C12orf54: variants seen among roughly 807,000 people sequenced by gnomAD.
The protein encoded by C12orf54 is chromosome 12 open reading frame 54.
Under a neutral mutation model 26.4 loss-of-function variants are expected in C12orf54, and 24 were observed. That is an observed-to-expected ratio of 0.91 (90% confidence interval 0.66 to 1.28). The LOEUF (loss-of-function observed/expected upper bound fraction) is 1.28. Ranked by LOEUF, C12orf54 falls within the 50% of genes most tolerant of loss-of-function variation. The pLI, the probability that C12orf54 is intolerant of heterozygous loss-of-function variation, is 0.00. For synonymous variants in C12orf54, 54 were observed against 47.0 expected, an observed-to-expected ratio of 1.15 and a Z score of -0.61; for missense variants, 154 against 150.9, an observed-to-expected ratio of 1.02 and a Z score of -0.11.
chr12:48,429,101 C>T, the C12orf54 span, among the ~76,000 whole-genome samples: 7 of 151,898 alleles, frequency 4.6e-5, no homozygotes, highest in Admixed American at 2.6e-4. Flanking sequence ...GAAAAGCATT[C>T]GACAAAAATC....
chr12:48,478,428 T>C (rs1349558647), upstream of C12orf54, among the ~76,000 whole-genome samples: 2 of 152,134 alleles, frequency 1.3e-5, no homozygotes, highest in Non-Finnish European at 2.9e-5. Flanking sequence ...AAATAAAGGG[T>C]ATCCAATTAG....
the C12orf54 span, among the ~76,000 whole-genome samples, chr12:48,430,053 A>G: frequency 6.6e-6 from 1 of 152,212 alleles, no homozygotes; most frequent in African/African-American, 2.4e-5. Context: ...AAACAAAAAC[A>G]TAAAGTGGGA....
the C12orf54 span, among the ~76,000 whole-genome samples, chr12:48,436,353 G>C: frequency 2.6e-5 from 4 of 152,102 alleles, no homozygotes; most frequent in East Asian, 3.9e-4. Context: ...AGATCAACGA[G>C]ACAGAAAGTT....
the C12orf54 span, among the ~76,000 whole-genome samples, chr12:48,453,719 TAAAAC>T: frequency 6.7e-5 from 10 of 150,228 alleles, no homozygotes; most frequent in African/African-American, 2.4e-4. Context: ...TTTTAAAGAA[TAAAAC>T]AAAATATTTT....
the C12orf54 span, among the ~76,000 whole-genome samples, chr12:48,457,697 G>C: frequency 3.3e-5 from 5 of 152,062 alleles, no homozygotes; most frequent in Non-Finnish European, 7.4e-5. Context: ...AGTCAGCTTC[G>C]GCTTCGGTGC....
chr12:48,419,341 C>G, the C12orf54 span, among the ~76,000 whole-genome samples: 1 of 152,284 alleles, frequency 6.6e-6, no homozygotes, highest in Non-Finnish European at 1.5e-5. Flanking sequence ...CCTTTCTTAT[C>G]TCAATTTTTC....
upstream of C12orf54, among the ~76,000 whole-genome samples, chr12:48,477,569 C>T (rs181928654): frequency 3.9e-5 from 6 of 152,208 alleles, no homozygotes; most frequent in South Asian, 2.1e-4. Context: ...GGGGATATTA[C>T]CACCAATCTC....
intron 2 of C12orf54, 152 bp from the exon 3 acceptor site, chr12:48,486,026 G>A: frequency 1.5e-6 from 1 of 660,298 alleles, no homozygotes; most frequent in Non-Finnish European, 2.6e-6. Flanking sequence ...TCCCATAAAG[G>A]GATATGAGAG....
At chr12:48,456,138 A>AAAACACAT in the C12orf54 span, among the ~76,000 whole-genome samples, 4 of 152,190 alleles carry the variant, frequency 2.6e-5, no homozygotes. Flanking sequence ...CGAAGTAGGG[A>AAAACACAT]AAACACATTT....
the C12orf54 span, among the ~76,000 whole-genome samples, chr12:48,453,202 C>A: frequency 3.4e-4 from 51 of 152,226 alleles, no homozygotes; most frequent in African/African-American, 1.1e-3. Context: ...ATGGATGGAG[C>A]TGGAGACCAT....
chr12:48,464,539 A>G, the C12orf54 span, among the ~76,000 whole-genome samples: 2 of 152,124 alleles, frequency 1.3e-5, no homozygotes, highest in Non-Finnish European at 2.9e-5. Flanking sequence ...TAAACTTCCA[A>G]TGACATTCTT....
the C12orf54 span, among the ~76,000 whole-genome samples, chr12:48,466,423 T>C: frequency 1.3e-4 from 20 of 152,160 alleles, no homozygotes; most frequent in Admixed American, 3.9e-4. Context: ...CGTGCACCTG[T>C]AATCCCAGCT....
At chr12:48,427,498 T>G in the C12orf54 span, among the ~76,000 whole-genome samples, 1 of 152,180 alleles carries the variant, frequency 6.6e-6, no homozygotes, top group Non-Finnish European at 1.5e-5. Flanking sequence ...GTCAAGGGTT[T>G]TTGCATCAAT....
chr12:48,439,625 T>A, the C12orf54 span, among the ~76,000 whole-genome samples: 2 of 152,160 alleles, frequency 1.3e-5, no homozygotes, highest in African/African-American at 4.8e-5. Flanking sequence ...GAAACCATCA[T>A]TCTCAGCAAA....
chr12:48,454,068 T>TTC, the C12orf54 span, among the ~76,000 whole-genome samples: 17 of 149,192 alleles, frequency 1.1e-4, no homozygotes, highest in East Asian at 4.0e-4. Context: ...ATCAAGACAG[T>TTC]TCTCTCTCTC....
the C12orf54 span, among the ~76,000 whole-genome samples, chr12:48,465,375 A>G: frequency 6.6e-6 from 1 of 152,192 alleles, no homozygotes; most frequent in East Asian, 1.9e-4. Flanking sequence ...ACCATCTTAC[A>G]CCAGACAGAA....
the C12orf54 span, among the ~76,000 whole-genome samples, chr12:48,414,448 G>A: frequency 1.3e-5 from 2 of 152,330 alleles, no homozygotes; most frequent in Admixed American, 1.3e-4. Flanking sequence ...GTTTAGTTTT[G>A]GATAAAGGCT....
At chr12:48,447,634 A>G in the C12orf54 span, among the ~76,000 whole-genome samples, 2 of 152,168 alleles carry the variant, frequency 1.3e-5, no homozygotes, top group South Asian at 4.1e-4. Context: ...TCCTAAAGTT[A>G]GAATATGGTT....
At chr12:48,439,462 A>G in the C12orf54 span, among the ~76,000 whole-genome samples, 39 of 152,328 alleles carry the variant, frequency 2.6e-4, no homozygotes, top group East Asian at 6.2e-3. Context: ...TGTTTATTGC[A>G]GCACTATTCA....
Sources: allele counts gnomAD v4.1 joint callset (sites outside exome capture counted in the v4.1 genomes callset), GRCh38; gene constraint gnomAD v4.1.1; transcripts MANE v1.5; gene names NCBI Gene and HGNC (gene_info 2026-07-23, HGNC 2026-07-21).